The following CDK12 variants were observed in gnomAD, a reference collection of about 807,000 sequenced individuals.
CDK12 encodes cyclin dependent kinase 12, also known as cyclin-dependent kinase 12.
Under a neutral mutation model 133.8 loss-of-function variants are expected in CDK12, and 17 were observed. The ratio of observed to expected loss-of-function variants is 0.13; its 90% CI spans 0.09 to 0.19. CDK12 has a LOEUF of 0.19. Among genes scored for constraint, CDK12 ranks in the 10% least tolerant of loss-of-function variants. CDK12 has a pLI of 1.00. For missense variants in CDK12, 1,508 were observed against 1,818.7 expected, an observed-to-expected ratio of 0.83 and a Z score of 3.11; for synonymous variants, 694 against 683.6, an observed-to-expected ratio of 1.02 and a Z score of -0.24.
intron 3 of CDK12, among the ~76,000 whole-genome samples, chr17:39,559,473 C>T (rs12938115): frequency 0.032 from 4,929 of 152,242 alleles, 276 homozygotes; most frequent in African/African-American, 0.11. Context: ...CTTTTATATT[C>T]ACACCTCCTT....
At chr17:39,537,269 C>A (rs1364000796), downstream of CDK12, among the ~76,000 whole-genome samples, 2 of 152,132 alleles carry the variant, frequency 1.3e-5, no homozygotes, top group Non-Finnish European at 2.9e-5. Context: ...GATGACCCTC[C>A]TCACCAAGGC....
chr17:39,544,960 C>T (rs774511405), upstream of CDK12, among the ~76,000 whole-genome samples: 4 of 152,120 alleles, frequency 2.6e-5, no homozygotes, highest in Non-Finnish European at 5.9e-5. Context: ...TTTCTTATTC[C>T]GAAAGATCTC....
chr17:39,472,175 G>A (rs1037928388), intron 2 of CDK12, among the ~76,000 whole-genome samples: 1 of 151,606 alleles, frequency 6.6e-6, no homozygotes. Flanking sequence ...GTAGAGATGG[G>A]GTTTCAACAT....
intron 2 of CDK12, among the ~76,000 whole-genome samples, chr17:39,553,720 A>G (rs1254137410): frequency 2.0e-5 from 3 of 152,240 alleles, no homozygotes; most frequent in South Asian, 2.1e-4. Flanking sequence ...CATTGGGCAC[A>G]TATCTGCCTG....
At chr17:39,504,782 G>A (rs1350862399) in intron 6 of CDK12, among the ~76,000 whole-genome samples, 3 of 144,444 alleles carry the variant, frequency 2.1e-5, no homozygotes, top group African/African-American at 7.6e-5. Context: ...GGGAGGCCAA[G>A]GCATGAGAAC....
At chr17:39,487,678 A>G (rs2051246919) in intron 2 of CDK12, among the ~76,000 whole-genome samples, 1 of 138,100 alleles carries the variant, frequency 7.2e-6, no homozygotes, top group African/African-American at 2.8e-5. Context: ...GTGCAGTGGC[A>G]CGATCTCGGC....
At chr17:39,477,564 TTTA>T (rs2050308736) in intron 2 of CDK12, among the ~76,000 whole-genome samples, 3 of 146,538 alleles carry the variant, frequency 2.0e-5, no homozygotes, top group South Asian at 2.1e-4. Flanking sequence ...TTTTTATTTA[TTTA>T]TTATTTATTT....
Position 39,482,015 on chromosome 17 carries a change from C to CTTTTTTTTT in CDK12, c.1932-8534_1932-8526dup, listed in dbSNP as rs56340258. Among the ~76,000 whole-genome samples, 39 of 96,254 alleles carry CTTTTTTTTT rather than the reference C, an allele frequency of 4.1e-4. 1 individual carries two copies. Among genetic ancestry groups the CTTTTTTTTT allele is most frequent in the African/African-American group, 1.3e-3 (39 of 30,282 alleles). The allele number at this position is 96,254 out of a possible 152,430, so 63.1% of individuals were successfully genotyped here. A position where few individuals can be genotyped will look rare whatever the true frequency, so the allele number is the denominator to read the frequency against. The stretch of plus-strand genomic sequence containing the variant: ...GATTACAGGCATGAGCCTGGCTTGC[C>CTTTTTTTTT]TTTTTTTTTTTTTTTTAACAGAGTT... On this transcript the variant is annotated intron_variant, in intron 2 of 13. Coordinates refer to ENST00000447079, the MANE Select transcript of CDK12 (RefSeq NM_016507.4).
chr17:39,540,251 G>A (rs2055346640), intron 1 of CDK12, among the ~76,000 whole-genome samples: 1 of 152,220 alleles, frequency 6.6e-6, no homozygotes. Context: ...ACACATTTGT[G>A]CTGTTGGTGG....
intron 2 of CDK12, among the ~76,000 whole-genome samples, chr17:39,489,842 G>A (rs1050823155): frequency 7.5e-6 from 1 of 133,442 alleles, no homozygotes; most frequent in Admixed American, 7.9e-5. Flanking sequence ...GTCTCACTGT[G>A]TTTTCCAGGG....
rs1226401359 is a variant in CDK12, at chr17:39,494,560, A to G, written c.2285A>G (p.Asn762Ser). ...LVALKKVRLD[N>S]EKEGFPITAI... ...GCTCTGAAGAAGGTGAGACTAGACA[A>G]TGAGAAAGAGGGCTTCCCAATCACA... Residue 762 changes from asparagine (N) to serine (S), a missense_variant, in exon 5 of 14, where the codon AAT becomes AGT. Physicochemically the swap from Asn to Ser is conservative, Grantham distance 46 (BLOSUM62 1). Transcript: ENST00000447079. 4 of 1,614,110 alleles carry G rather than the reference A, an allele frequency of 2.5e-6. No homozygotes were observed. The highest frequency in any genetic ancestry group is 2.2e-5 in the East Asian group (1 of 44,884).
chr17:39,471,634 C>G lies in CDK12; in HGVS notation c.1802C>G (p.Ser601Cys), dbSNP rs780247994. 1.9e-6 allele frequency: 3 copies of G among 1,614,170 alleles called. No individual in the cohort carries two copies. In the East Asian group the frequency reaches 6.7e-5, roughly 36 times the overall value. The part of the protein sequence containing the change: ...KTSAVSSQAN[S>C]QPPVQVSVKT... Reference sequence around the variant, plus strand: ...TCTGCTGTGTCCTCTCAGGCAAATTCTCAGCCCCCTGTACAGGTTTCTGTG... The same window carrying G: ...TCTGCTGTGTCCTCTCAGGCAAATTGTCAGCCCCCTGTACAGGTTTCTGTG... The change falls in exon 2 of 14, where the codon TCT becomes TGT. Residue 601 changes from serine to cysteine, a missense_variant. By Grantham distance (112) the Ser-to-Cys change is moderately radical. This residue lies in a region of CDK12 where 347 missense variants were observed against 330.8 expected (regional missense o/e 1.05). Transcript: ENST00000447079.
chr17:39,494,340 T>C (rs2051897396), intron 4 of CDK12, among the ~76,000 whole-genome samples, 184 bp from the exon 5 acceptor site: 1 of 152,182 alleles, frequency 6.6e-6, no homozygotes, highest in African/African-American at 2.4e-5. Flanking sequence ...CCCAAAGTGT[T>C]GGGATTACAG....
intron 2 of CDK12, among the ~76,000 whole-genome samples, chr17:39,474,734 T>C (rs2050053076): frequency 1.3e-5 from 2 of 151,602 alleles, no homozygotes; most frequent in African/African-American, 4.8e-5. Flanking sequence ...GGAAAAAAAC[T>C]ATTTTAAGGA....
At chr17:39,503,960 T>C (rs1028666021) in intron 6 of CDK12, among the ~76,000 whole-genome samples, 1 of 152,208 alleles carries the variant, frequency 6.6e-6, no homozygotes, top group African/African-American at 2.4e-5. Flanking sequence ...GCCGATAAAC[T>C]GGAGGCAGAG....
At chr17:39,500,648 T>C (rs909443028) in intron 5 of CDK12, among the ~76,000 whole-genome samples, 1 of 151,904 alleles carries the variant, frequency 6.6e-6, no homozygotes, top group Non-Finnish European at 1.5e-5. Context: ...AAAAGCCTAG[T>C]AATGCAACCT....
intron 5 of CDK12, among the ~76,000 whole-genome samples, chr17:39,494,993 G>A (rs867262199): frequency 1.4e-4 from 21 of 151,848 alleles, no homozygotes; most frequent in African/African-American, 4.6e-4. Flanking sequence ...GGATGGTCTC[G>A]ATCTCCTGAC....
intron 6 of CDK12, among the ~76,000 whole-genome samples, chr17:39,508,966 C>G (rs1381507512): frequency 6.8e-6 from 1 of 147,044 alleles, no homozygotes; most frequent in African/African-American, 2.5e-5. Flanking sequence ...CCATTGCACT[C>G]CAGCCTAGGT....
intron 3 of CDK12, among the ~76,000 whole-genome samples, chr17:39,560,506 C>T (rs2056335288): frequency 6.6e-6 from 1 of 152,190 alleles, no homozygotes; most frequent in East Asian, 1.9e-4. Flanking sequence ...TTCCCAAGGT[C>T]ACATGTTAAG....
Sources: allele counts gnomAD v4.1 joint callset (sites outside exome capture counted in the v4.1 genomes callset), GRCh38; gene constraint gnomAD v4.1.1; regional missense constraint gnomAD v4.1.1; transcripts MANE v1.5; gene names NCBI Gene and HGNC (gene_info 2026-07-23, HGNC 2026-07-21).